The following TFG variants were observed in gnomAD, a reference collection of about 807,000 sequenced individuals.
The protein encoded by TFG is trafficking from ER to golgi regulator.
Under a neutral mutation model 51.4 loss-of-function variants are expected in TFG, and 22 were observed. That is an observed-to-expected ratio of 0.43 (90% CI 0.31 to 0.61). TFG has a LOEUF of 0.61. Among genes scored for constraint, TFG ranks in the 20% least tolerant of loss-of-function variants. The probability of loss-of-function intolerance (pLI) is 0.12; values close to 1 mark genes in which losing one functional copy is unlikely to be tolerated. For synonymous variants in TFG, 187 were observed against 165.6 expected (o/e 1.13, Z -0.99); for missense variants, 419 against 487.7 (o/e 0.86, Z 1.33).
At position 100,719,662 on chromosome 3, in the gene TFG, T is replaced by C. The variant is rs548917951; in HGVS notation, c.185-313T>C. ...GATTTCAGTCTAAACCAACAATTTA[T>C]GATATTGCTCTCTATGAATCTCTTA... On this transcript the variant is annotated intron_variant, in intron 2 of 7. Coordinates refer to ENST00000240851, the MANE Select transcript of TFG (RefSeq NM_006070.6). Among the ~76,000 whole-genome samples, 7 of 152,382 alleles carry C rather than the reference T, an allele frequency of 4.6e-5. No individual in the cohort carries two copies. In the East Asian group the frequency reaches 1.3e-3, roughly 29 times the overall value.
In TFG at chr3:100,730,480, A is replaced by G. The variant is rs138245563; in HGVS notation, c.415+1622A>G. 5.2e-3 allele frequency among the ~76,000 whole-genome samples: 792 copies of G among 152,342 alleles called. 8 individuals carry two copies. Among genetic ancestry groups the G allele is most frequent in the South Asian group, 0.027 (132 of 4,820 alleles). Reference sequence around the variant, plus strand: ...TTCTAGTTATTGTGTCCTGTCTGACATATCTGATGATAAGATGATATAAGA... The same window carrying G: ...TTCTAGTTATTGTGTCCTGTCTGACGTATCTGATGATAAGATGATATAAGA... On this transcript the variant is annotated intron_variant, in intron 4 of 7. Coordinates refer to ENST00000240851, the MANE Select transcript of TFG (RefSeq NM_006070.6).
In TFG at chr3:100,713,671, A is replaced by G. The variant is rs1390121171; in HGVS notation, c.-15A>G. The G allele has an allele frequency of 1.9e-6, 3 of 1,577,728 alleles. No homozygotes were observed. Among genetic ancestry groups the G allele is most frequent in the Admixed American group, 3.5e-5 (2 of 57,428 alleles). ...TTCTCTAGAGTTGTATATATAGAACATCCTGGAGTCCACCATGAACGGACA... is the reference window on the plus strand; with the variant it reads ...TTCTCTAGAGTTGTATATATAGAACGTCCTGGAGTCCACCATGAACGGACA... On this transcript the variant is annotated 5_prime_UTR_variant, in exon 2 of 8. Transcript: ENST00000240851.
chr3:100,728,640 T>TC, intron 3 of TFG, 72 bp from the exon 4 acceptor site: 1 of 1,226,496 alleles, frequency 8.2e-7, no homozygotes, highest in Non-Finnish European at 1.1e-6. Context: ...TATTTATTTT[T>TC]CCTTGTTGCA....
At chr3:100,747,744 T>C (rs2095145074) in intron 7 of TFG, among the ~76,000 whole-genome samples, 1 of 152,196 alleles carries the variant, frequency 6.6e-6, no homozygotes, top group African/African-American at 2.4e-5. Flanking sequence ...TATAGTATTA[T>C]TTCATATAAA....
intron 2 of TFG, 131 bp downstream of exon 2, chr3:100,714,000 A>G (rs1421537877): frequency 4.1e-6 from 2 of 489,824 alleles, no homozygotes; most frequent in East Asian, 3.5e-5. Context: ...TCCTGGGCTC[A>G]AGCAATCCTG....
rs1013674943 is a variant in TFG at position 100,732,772 on chromosome 3, A to T, written c.580+100A>T. 3.5e-4 allele frequency: 362 copies of T among 1,041,884 alleles called. 1 individual carries two copies. The highest frequency in any genetic ancestry group is 3.9e-5 in the Non-Finnish European group (28 of 717,906). 64.5% of individuals were successfully genotyped at this position (1,041,884 alleles called of 1,614,324 possible). ...ATTGAAGAATAACTTGGATATGGTG[A>T]AGTGCACAAATCTTAAGGGTTCTGC... On this transcript the variant is annotated intron_variant, in intron 5 of 7. Transcript: ENST00000240851.
intron 4 of TFG, among the ~76,000 whole-genome samples, chr3:100,729,953 T>G (rs2095086946): frequency 1.3e-5 from 2 of 152,188 alleles, no homozygotes. Flanking sequence ...GGAGATTTGC[T>G]GAATACTATA....
intron 2 of TFG, among the ~76,000 whole-genome samples, chr3:100,717,181 G>A (rs934830476): frequency 1.3e-5 from 2 of 152,114 alleles, no homozygotes; most frequent in African/African-American, 2.4e-5. Flanking sequence ...TAGATAACAT[G>A]GATTATGTTC....
intron 6 of TFG, among the ~76,000 whole-genome samples, chr3:100,742,182 T>TA (rs1457524936): frequency 4.6e-5 from 7 of 152,270 alleles, no homozygotes; most frequent in Non-Finnish European, 1.0e-4. Flanking sequence ...CATTTGGACT[T>TA]GAATGAGGTG....
intron 3 of TFG, among the ~76,000 whole-genome samples, chr3:100,721,351 A>T (rs2149068291): frequency 6.6e-6 from 1 of 152,342 alleles, no homozygotes; most frequent in African/African-American, 2.4e-5. Flanking sequence ...TGGTGATAGT[A>T]GAGATTTTAG....
rs769373702 is a variant in TFG at position 100,713,897 on chromosome 3, A to G, written c.184+28A>G. The G allele has an allele frequency of 1.1e-5, 15 of 1,359,332 alleles. 1 individual carries two copies. Among genetic ancestry groups the G allele is most frequent in the Middle Eastern group, 4.7e-4 (2 of 4,214 alleles). The allele number at this position is 1,359,332 out of a possible 1,614,324, so 84.2% of individuals were successfully genotyped here. A position where few individuals can be genotyped will look rare whatever the true frequency, so the allele number is the denominator to read the frequency against. Reference sequence around the variant, plus strand: ...AAGAGTGTTTTTAAAGCTATTTTTTAAAGTCTTTTTAAAAAAAAAAAAAAA... The same window carrying G: ...AAGAGTGTTTTTAAAGCTATTTTTTGAAGTCTTTTTAAAAAAAAAAAAAAA... On this transcript the variant is annotated intron_variant, in intron 2 of 7. Transcript: ENST00000240851.
chr3:100,743,670 A>G (rs1468706849), intron 6 of TFG: 1 of 152,110 alleles, frequency 6.6e-6, no homozygotes, highest in Non-Finnish European at 1.5e-5. Context: ...CTTTAGTGCT[A>G]CCCAGCACTA....
At chr3:100,727,996 C>A (rs1461350965) in intron 3 of TFG, among the ~76,000 whole-genome samples, 1 of 152,088 alleles carries the variant, frequency 6.6e-6, no homozygotes, top group Non-Finnish European at 1.5e-5. Flanking sequence ...CCACACTTGG[C>A]TAATTTTTTA....
chr3:100,728,793 A>G lies in TFG; in HGVS notation c.350A>G (p.Asn117Ser), dbSNP rs2149078153. ...CTGATAGAACTTCGAAATAAAGTGA[A>G]TCGTTTATTGGATAGCTTGGAACCA... ...RELIELRNKV[N>S]RLLDSLEPPG... The change falls in exon 4 of 8, where the codon AAT (asparagine) becomes AGT (serine). Residue 117 changes from asparagine to serine, a missense_variant. By Grantham distance (46) the Asn-to-Ser change is conservative. Coordinates refer to ENST00000240851, the MANE Select transcript of TFG (RefSeq NM_006070.6). The G allele has an allele frequency of 6.2e-7, 1 of 1,613,098 alleles. No homozygotes were observed. The highest frequency in any genetic ancestry group is 1.3e-5 in the African/African-American group (1 of 74,978).
chr3:100,738,050 A>G (rs1171651846), intron 6 of TFG, among the ~76,000 whole-genome samples: 1 of 149,552 alleles, frequency 6.7e-6, no homozygotes, highest in Non-Finnish European at 1.5e-5. Context: ...AGCCTGGGCA[A>G]CAGAACGAGA....
intron 5 of TFG, among the ~76,000 whole-genome samples, chr3:100,735,026 A>G (rs1248474104): frequency 6.6e-6 from 1 of 152,232 alleles, no homozygotes; most frequent in Non-Finnish European, 1.5e-5. Context: ...ATTAACTGTA[A>G]TAAATTACAT....
intron 6 of TFG, among the ~76,000 whole-genome samples, chr3:100,739,818 C>G (rs751144573): frequency 1.9e-4 from 29 of 152,084 alleles, no homozygotes; most frequent in Admixed American, 3.9e-4. Context: ...AACTGATAAT[C>G]TTCTTTTTAA....
At chr3:100,720,206 C>A in intron 3 of TFG, 148 bp downstream of exon 3, 1 of 525,074 alleles carries the variant, frequency 1.9e-6, no homozygotes, top group Admixed American at 4.0e-5. Flanking sequence ...TTTTAGATTA[C>A]TTGAAGCTTA....
intron 3 of TFG, among the ~76,000 whole-genome samples, chr3:100,721,206 A>G (rs975036204): frequency 6.6e-6 from 1 of 152,228 alleles, no homozygotes; most frequent in African/African-American, 2.4e-5. Context: ...GATCTGCTAG[A>G]TAAACTTACA....
Sources: allele counts gnomAD v4.1 joint callset (sites outside exome capture counted in the v4.1 genomes callset), GRCh38; gene constraint gnomAD v4.1.1; transcripts MANE v1.5; gene names NCBI Gene and HGNC (gene_info 2026-07-23, HGNC 2026-07-21).